PPP6R1: variants seen among roughly 807,000 people sequenced by gnomAD.
The protein encoded by PPP6R1 is protein phosphatase 6 regulatory subunit 1.
PPP6R1 carries 39 observed loss-of-function variants against 104.6 expected under a neutral mutation model. The ratio of observed to expected loss-of-function variants is 0.37; its 90% confidence interval spans 0.29 to 0.49. The LOEUF (loss-of-function observed/expected upper bound fraction) is 0.49, where lower values mean the gene tolerates loss of function less well. Among genes scored for constraint, PPP6R1 ranks in the 20% least tolerant of loss-of-function variants. The pLI, the probability that PPP6R1 is intolerant of heterozygous loss-of-function variation, is 0.98. For synonymous variants in PPP6R1, 549 were observed against 479.0 expected (o/e 1.15, Z -1.91); for missense variants, 1,181 against 1,155.8 (o/e 1.02, Z -0.32).
rs532945157 is a variant in PPP6R1, at chr19:55,247,944, T to C, written c.-6-835A>G. Reference sequence around the variant, plus strand: ...CTGGCAACACCCGGCCCTGACCCTGTCCCCATCTGGAGCTGGCTCCCGCCC... The same window carrying C: ...CTGGCAACACCCGGCCCTGACCCTGCCCCCATCTGGAGCTGGCTCCCGCCC... On this transcript the variant is annotated intron_variant, in intron 1 of 23. Transcript: ENST00000412770. 2.2e-3 allele frequency among the ~76,000 whole-genome samples: 334 copies of C among 152,296 alleles called. 2 individuals are homozygous for C. Among genetic ancestry groups the C allele is most frequent in the African/African-American group, 6.8e-3 (282 of 41,566 alleles).
At chr19:55,253,549 C>A (rs1261923503) in intron 1 of PPP6R1, among the ~76,000 whole-genome samples, 1 of 152,178 alleles carries the variant, frequency 6.6e-6, no homozygotes, top group Non-Finnish European at 1.5e-5. Flanking sequence ...GAACTTCGGC[C>A]CTGAGAACCC....
At chr19:55,239,079 C>A (rs2087424687) in intron 15 of PPP6R1, 2 of 362,380 alleles carry the variant, frequency 5.5e-6, no homozygotes, top group Non-Finnish European at 1.1e-5. Flanking sequence ...TACCCTGAGC[C>A]CCTCCCGCCT....
intron 15 of PPP6R1, 80 bp from the exon 16 acceptor site, chr19:55,237,050 A>T: frequency 7.1e-7 from 1 of 1,410,898 alleles, no homozygotes; most frequent in South Asian, 1.2e-5. Context: ...TTCTTTCTTC[A>T]CTCAACACAG....
rs1196808036 is a variant in PPP6R1 at position 55,241,786 on chromosome 19, A to G, written c.846-147T>C. 2.8e-6 allele frequency: 3 copies of G among 1,069,738 alleles called. No individual in the cohort carries two copies. The highest frequency in any genetic ancestry group is 2.6e-6 in the Non-Finnish European group (2 of 762,814). 66.3% of individuals were successfully genotyped at this position (1,069,738 alleles called of 1,614,324 possible). On this transcript the variant is annotated intron_variant, in intron 7 of 23. Coordinates refer to ENST00000412770, the MANE Select transcript of PPP6R1 (RefSeq NM_014931.4). This position sits in a 1 kb window ranked among gnomAD's most constrained non-coding sequence, Gnocchi z 5.4. ...GCCGCTCTCTTCTGAGGCCCTTCAG[A>G]CAACACCTGGCTGGGGTGGGGAGCC...
intron 1 of PPP6R1, 44 bp from the exon 2 acceptor site, chr19:55,247,153 G>T: frequency 6.3e-7 from 1 of 1,583,402 alleles, no homozygotes; most frequent in Non-Finnish European, 8.6e-7. Context: ...ACGCCCCAGG[G>T]AGTCCCCACT....
intron 15 of PPP6R1, 135 bp downstream of exon 15, chr19:55,239,270 G>A (rs564170399): frequency 8.4e-6 from 7 of 831,944 alleles, no homozygotes; most frequent in East Asian, 5.3e-5. Context: ...CACGGCCAAC[G>A]CGTGCCCAGG....
chr19:55,231,519 A>G, intron 20 of PPP6R1, 28 bp from the exon 21 acceptor site: 1 of 1,599,530 alleles, frequency 6.3e-7, no homozygotes, highest in Non-Finnish European at 8.5e-7. Flanking sequence ...TCTCAGCTGC[A>G]GCTCCCAGCA....
In PPP6R1 at chr19:55,247,035, G is replaced by A. The variant is rs371631916; in HGVS notation, c.69C>T (p.Ser23=). ...LDTLLEREDL[S]LPELLDEEDV... is the part of the protein sequence containing the mutation. ...CTTCCTCGTCCAGCAGCTCGGGCAG[G>A]CTCAGGTCCTCCCGCTCCAGCAGCG... Residue 23 remains serine, a synonymous_variant, in exon 2 of 24, where the codon AGC becomes AGT. Coordinates refer to ENST00000412770, the MANE Select transcript of PPP6R1 (RefSeq NM_014931.4). The A allele has an allele frequency of 6.2e-6, 10 of 1,613,840 alleles. No individual in the cohort carries two copies. The highest frequency in any genetic ancestry group is 1.1e-5 in the South Asian group (1 of 91,086).
intron 2 of PPP6R1, among the ~76,000 whole-genome samples, chr19:55,246,099 C>T (rs538130619): frequency 5.8e-4 from 88 of 152,286 alleles, no homozygotes; most frequent in East Asian, 1.9e-3. Flanking sequence ...CGGTGCCTGA[C>T]GGCTCCAAGA....
At position 55,230,735 on chromosome 19, in the gene PPP6R1, C is replaced by T. The variant is rs554908488; in HGVS notation, c.2570+39G>A. Reference sequence around the variant, plus strand: ...AGAGGTCACTTCCTGCCCCACCAGCCCCACCCCCACCCCCCCGCCCTGCTG... The same window carrying T: ...AGAGGTCACTTCCTGCCCCACCAGCTCCACCCCCACCCCCCCGCCCTGCTG... On this transcript the variant is annotated intron_variant, in intron 22 of 23. Coordinates refer to ENST00000412770, the MANE Select transcript of PPP6R1 (RefSeq NM_014931.4). 526 of 1,470,914 alleles carry T rather than the reference C, an allele frequency of 3.6e-4. 9 individuals carry two copies. The South Asian group carries it at 6.4e-3, about 18-fold the overall frequency. 91.1% of individuals were successfully genotyped at this position (1,470,914 alleles called of 1,614,324 possible).
chr19:55,247,546 G>A (rs977066137), intron 1 of PPP6R1, among the ~76,000 whole-genome samples: 3 of 152,206 alleles, frequency 2.0e-5, no homozygotes, highest in Non-Finnish European at 4.4e-5. Context: ...CCCTACTTTT[G>A]GGAGAGACAC....
At chr19:55,242,539 T>G in intron 5 of PPP6R1, 51 bp from the exon 6 acceptor site, 2 of 1,463,820 alleles carry the variant, frequency 1.4e-6, no homozygotes, top group South Asian at 2.3e-5. Context: ...CCGGGCCCTC[T>G]GCAGCCTGGT....
At chr19:55,231,315 G>A in intron 21 of PPP6R1, 95 bp downstream of exon 21, 1 of 1,404,764 alleles carries the variant, frequency 7.1e-7, no homozygotes, top group African/African-American at 1.4e-5. Context: ...AAGGAGGCCT[G>A]GAGCAGCTCA....
chr19:55,234,322 G>C (rs1461989251), intron 17 of PPP6R1, among the ~76,000 whole-genome samples: 3 of 152,182 alleles, frequency 2.0e-5, no homozygotes, highest in Non-Finnish European at 4.4e-5. Context: ...ACAACACACA[G>C]ACTGATAGAA....
At position 55,241,106 on chromosome 19, in the gene PPP6R1, A is replaced by G; in HGVS notation, c.1162-27T>C. The G allele has an allele frequency of 1.3e-6, 2 of 1,546,758 alleles. No individual in the cohort carries two copies. The highest frequency in any genetic ancestry group is 1.2e-5 in the South Asian group (1 of 83,928). ...TATGGGAGGACACAGGATTGGTACC[A>G]GAGAGGCCCCGCCCCAGCCGAGCCC... On this transcript the variant is annotated intron_variant, in intron 9 of 23. Transcript: ENST00000412770. The surrounding 1 kb of genome is among the most constrained non-coding windows in gnomAD (Gnocchi z 5.4).
At chr19:55,238,043 G>A (rs756725373) in intron 15 of PPP6R1, among the ~76,000 whole-genome samples, 1 of 152,086 alleles carries the variant, frequency 6.6e-6, no homozygotes, top group African/African-American at 2.4e-5. Flanking sequence ...TCATTCTCCT[G>A]CCAGGGTGGG....
chr19:55,256,847 T>C (rs2087597224), intron 1 of PPP6R1, among the ~76,000 whole-genome samples: 1 of 152,196 alleles, frequency 6.6e-6, no homozygotes, highest in African/African-American at 2.4e-5. Flanking sequence ...AGCTACTGAT[T>C]GCAGAGTGTC....
rs1168808451 is a variant in PPP6R1, at chr19:55,230,820, C to T, written c.2524G>A (p.Glu842Lys). 5.0e-6 allele frequency: 8 copies of T among 1,603,890 alleles called. No individual in the cohort carries two copies. Among genetic ancestry groups the T allele is most frequent in the Non-Finnish European group, 6.8e-6 (8 of 1,178,738 alleles). ...SGAHQPPQTT[E>K]GEKSPEPLGL... ...AAGGGCTCTGGGCTCTTCTCCCCTT[C>T]TGTGGTCTGGGGGGGCTGGTGGGCC... Residue 842 changes from glutamate (E) to lysine (K), a missense_variant, in exon 22 of 24, where the codon GAA (glutamate) becomes AAA (lysine). Around this residue, in one of 2 missense-constraint regions of PPP6R1, gnomAD observed 1,042 missense variants for 955.6 expected, o/e 1.09. Coordinates refer to ENST00000412770, the MANE Select transcript of PPP6R1 (RefSeq NM_014931.4).
At chr19:55,246,307 C>T (rs1460012275) in intron 2 of PPP6R1, among the ~76,000 whole-genome samples, 3 of 151,916 alleles carry the variant, frequency 2.0e-5, no homozygotes, top group Admixed American at 6.6e-5. Context: ...GGCTTATAGT[C>T]CCAGCTACTT....
Sources: allele counts gnomAD v4.1 joint callset (sites outside exome capture counted in the v4.1 genomes callset), GRCh38; gene constraint gnomAD v4.1.1; regional missense constraint gnomAD v4.1.1; non-coding constraint Gnocchi (gnomAD v3.1); transcripts MANE v1.5; gene names NCBI Gene and HGNC (gene_info 2026-07-23, HGNC 2026-07-21).